The following CCDC32 variants were observed in gnomAD, a reference collection of about 807,000 sequenced individuals.
CCDC32 encodes coiled-coil domain containing 32, also known as coiled-coil domain-containing protein 32.
Under a neutral mutation model 20.1 loss-of-function variants are expected in CCDC32, and 9 were observed. That is an observed-to-expected ratio of 0.45 (90% CI 0.27 to 0.78). The LOEUF (loss-of-function observed/expected upper bound fraction) is 0.78, where lower values mean the gene tolerates loss of function less well. Ranked by LOEUF, CCDC32 falls within the 30% of genes least tolerant of loss-of-function variation. The probability of loss-of-function intolerance (pLI) is 0.16; values close to 1 mark genes in which losing one functional copy is unlikely to be tolerated. For synonymous variants in CCDC32, 63 were observed against 79.0 expected (o/e 0.80, Z 1.07); for missense variants, 204 against 215.5 (o/e 0.95, Z 0.33).
intron 3 of CCDC32, among the ~76,000 whole-genome samples, chr15:40,528,998 A>G (rs1894935661): frequency 6.6e-6 from 1 of 152,184 alleles, no homozygotes; most frequent in Admixed American, 6.5e-5. Flanking sequence ...TAGGCAGCTA[A>G]GTGCCTTTGT....
intron 3 of CCDC32, among the ~76,000 whole-genome samples, chr15:40,542,457 C>T (rs1006302694): frequency 1.3e-5 from 2 of 152,182 alleles, no homozygotes; most frequent in African/African-American, 2.4e-5. Context: ...TGCAGTTTGT[C>T]GATGTTCCTC....
Position 40,553,511 on chromosome 15 carries a change from C to G in CCDC32, c.*460G>C. On this transcript the variant is annotated 3_prime_UTR_variant, in exon 4 of 4. Coordinates refer to ENST00000416810, the MANE Select transcript of CCDC32 (RefSeq NM_001080792.4). ...ACTTCACTCTTACTGGCCCCACTCA[C>G]GTGACAATTCACCAAGGGAATGCTT... The G allele has an allele frequency of 1.0e-6, 1 of 987,606 alleles. No individual in the cohort carries two copies. Among genetic ancestry groups the G allele is most frequent in the Non-Finnish European group, 1.2e-6 (1 of 831,344 alleles). The allele number at this position is 987,606 out of a possible 1,614,324, so 61.2% of individuals were successfully genotyped here.
chr15:40,524,739 C>CTTTTTTTTT (rs758786719), downstream of CCDC32, among the ~76,000 whole-genome samples: 56 of 95,196 alleles, frequency 5.9e-4, 4 homozygotes, highest in African/African-American at 2.5e-3. Flanking sequence ...CTTTTTCTTT[C>CTTTTTTTTT]TTTTTTTTTT....
At chr15:40,535,080 A>G, downstream of CCDC32, 1 of 792,820 alleles carries the variant, frequency 1.3e-6, no homozygotes, top group East Asian at 2.7e-5. Flanking sequence ...CTTGACTGCT[A>G]AGCCAGCGAC....
rs182841550 is a variant in CCDC32 at position 40,555,102 on chromosome 15, G to A, written c.402-975C>T. 4.5e-3 allele frequency among the ~76,000 whole-genome samples: 692 copies of A among 152,278 alleles called. 13 individuals are homozygous for A. The highest frequency in any genetic ancestry group is 0.016 in the African/African-American group (656 of 41,546). Reference sequence around the variant, plus strand: ...CTCTGTTTAAAAGATAAACTTTGAAGAACTAGTGTTTCCTGGTGTTTGTTC... The same window carrying A: ...CTCTGTTTAAAAGATAAACTTTGAAAAACTAGTGTTTCCTGGTGTTTGTTC... On this transcript the variant is annotated intron_variant, in intron 3 of 3. Transcript: ENST00000416810.
At chr15:40,522,830 T>TTC in the CCDC32 span, among the ~76,000 whole-genome samples, 1 of 136,836 alleles carries the variant, frequency 7.3e-6, no homozygotes, top group African/African-American at 3.3e-5. Context: ...TTTCCTTTCT[T>TTC]TTTTTTTTTT....
downstream of CCDC32, chr15:40,539,109 G>T: frequency 1.4e-6 from 1 of 730,520 alleles, no homozygotes; most frequent in Non-Finnish European, 2.3e-6. Flanking sequence ...CAGCCCAGAA[G>T]CCCTGAGGGC....
chr15:40,564,750 C>T (rs1319239696), intron 1 of CCDC32: 3 of 1,614,194 alleles, frequency 1.9e-6, no homozygotes, highest in Non-Finnish European at 1.7e-6. Flanking sequence ...CCACCCAAAA[C>T]CAAAACTTTG....
intron 3 of CCDC32, chr15:40,556,533 T>C (rs1890248753): frequency 6.6e-6 from 1 of 152,142 alleles, no homozygotes; most frequent in African/African-American, 2.4e-5. Context: ...GTGGCTACAA[T>C]CTGACAAAAA....
chr15:40,535,294 C>T, downstream of CCDC32: 4 of 1,293,642 alleles, frequency 3.1e-6, no homozygotes, highest in Non-Finnish European at 3.9e-6. Flanking sequence ...TGTATGAGCA[C>T]CTTGTAGGTG....
At chr15:40,554,567 C>T (rs572184203) in intron 3 of CCDC32, among the ~76,000 whole-genome samples, 80 of 152,068 alleles carry the variant, frequency 5.3e-4, no homozygotes, top group Non-Finnish European at 1.0e-3. Context: ...CTGAGGCAGT[C>T]TGGGACTCAA....
chr15:40,529,842 T>G (rs1048990602), intron 3 of CCDC32, among the ~76,000 whole-genome samples: 2 of 151,088 alleles, frequency 1.3e-5, no homozygotes, highest in East Asian at 2.0e-4. Context: ...TTTGTGTTTT[T>G]AGTAGAGACG....
At chr15:40,559,651 A>G (rs912807316) in intron 2 of CCDC32, among the ~76,000 whole-genome samples, 1 of 152,096 alleles carries the variant, frequency 6.6e-6, no homozygotes, top group Non-Finnish European at 1.5e-5. Context: ...CCTCCAGTAC[A>G]TCATTAACAA....
intron 3 of CCDC32, among the ~76,000 whole-genome samples, chr15:40,541,437 A>G (rs2141612004): frequency 6.6e-6 from 1 of 151,918 alleles, no homozygotes; most frequent in South Asian, 2.1e-4. Flanking sequence ...GGTTCAAGCA[A>G]TTCTCCTGTC....
At chr15:40,535,691 CA>C, downstream of CCDC32, 5 of 967,664 alleles carry the variant, frequency 5.2e-6, no homozygotes, top group Non-Finnish European at 6.1e-6. Context: ...GCAGGGAAGT[CA>C]TCAGTGTGCG....
downstream of CCDC32, among the ~76,000 whole-genome samples, chr15:40,530,342 G>A (rs1279254947): frequency 6.7e-6 from 1 of 148,784 alleles, no homozygotes; most frequent in African/African-American, 2.5e-5. Context: ...GGGCCTAATG[G>A]GAGATGTTTG....
intron 2 of CCDC32, among the ~76,000 whole-genome samples, chr15:40,558,831 G>T (rs983672078): frequency 1.3e-5 from 2 of 149,334 alleles, no homozygotes; most frequent in African/African-American, 5.0e-5. Context: ...ACGGAGTCTC[G>T]CTCTGTCACC....
downstream of CCDC32, among the ~76,000 whole-genome samples, chr15:40,530,072 A>G (rs999531082): frequency 1.3e-5 from 2 of 150,758 alleles, no homozygotes; most frequent in African/African-American, 4.8e-5. Context: ...TGGGTGGATC[A>G]CCTGAGGTCA....
chr15:40,553,824 G>A lies in CCDC32; in HGVS notation c.*147C>T. ...TTTTCTTTGTGGAGTGGAAATTTGGGTTTTTTCCTTCAGTGGATTTCTCCC... is the reference window on the plus strand; with the variant it reads ...TTTTCTTTGTGGAGTGGAAATTTGGATTTTTTCCTTCAGTGGATTTCTCCC... On this transcript the variant is annotated 3_prime_UTR_variant, in exon 4 of 4. Transcript: ENST00000416810. 1 of 1,401,720 alleles carries A rather than the reference G, an allele frequency of 7.1e-7. No homozygotes were observed. 86.8% of individuals were successfully genotyped at this position (1,401,720 alleles called of 1,614,324 possible).
Sources: gnomAD v4.1 joint callset for allele counts (sites outside exome capture counted in the v4.1 genomes callset) on GRCh38, gnomAD v4.1.1 for gene constraint, MANE v1.5 for transcripts, NCBI Gene and HGNC (gene_info 2026-07-23, HGNC 2026-07-21) for gene names.